MYH9: variants seen among roughly 807,000 people sequenced by gnomAD.
MYH9 encodes the protein myosin heavy chain 9.
MYH9 carries 29 observed loss-of-function variants against 241.9 expected under a neutral mutation model. That is an observed-to-expected ratio of 0.12 (90% confidence interval 0.09 to 0.16). The LOEUF is 0.16. MYH9 is among the 10% of genes least tolerant of loss of function. The probability of loss-of-function intolerance (pLI) is 1.00; values close to 1 mark genes in which losing one functional copy is unlikely to be tolerated. For missense variants in MYH9, 1,803 were observed against 2,595.5 expected (o/e 0.69, Z 6.63); for synonymous variants, 1,047 against 1,062.6 (o/e 0.99, Z 0.29).
chr22:36,327,062 T>A (rs1023085268), intron 4 of MYH9, among the ~76,000 whole-genome samples: 2 of 152,248 alleles, frequency 1.3e-5, no homozygotes, highest in Non-Finnish European at 2.9e-5. Flanking sequence ...ATCTCCTTGT[T>A]AAGTTCAGAG....
Position 36,348,841 on chromosome 22 carries a change from GCCC to G in MYH9, c.333+60_333+62del. 164 of 1,044,132 alleles carry G rather than the reference GCCC, an allele frequency of 1.6e-4. 5 individuals carry two copies. The highest frequency in any genetic ancestry group is 8.3e-4 in the East Asian group (15 of 18,054). The allele number at this position is 1,044,132 out of a possible 1,614,324, so 64.7% of individuals were successfully genotyped here. A position where few individuals can be genotyped will look rare whatever the true frequency, so the allele number is the denominator to read the frequency against. On this transcript the variant is annotated intron_variant, in intron 2 of 40. Coordinates refer to ENST00000216181, the MANE Select transcript of MYH9 (RefSeq NM_002473.6). The stretch of plus-strand genomic sequence containing the variant: ...GCACGTGAGGGTGATGGGAAGACCC[GCCC>G]CCCCCCCCCACCTCGGAGCCCTCAG...
chr22:36,298,849 GGCCGGCCCCTGACC>G, intron 24 of MYH9, 56 bp downstream of exon 24: 1 of 1,601,570 alleles, frequency 6.2e-7, no homozygotes. Flanking sequence ...CGGTCAGACA[GGCCGGCCCCTGACC>G]GCCAGCCCTT....
At chr22:36,381,974 T>C (rs977915496) in intron 1 of MYH9, among the ~76,000 whole-genome samples, 45 of 152,064 alleles carry the variant, frequency 3.0e-4, no homozygotes, top group African/African-American at 1.0e-3. Context: ...GCCAAACAAC[T>C]TTCTTTTGTT....
In MYH9 at chr22:36,293,540, A is replaced by C. The variant is rs2016740178; in HGVS notation, c.3943-59T>G. The stretch of plus-strand genomic sequence containing the variant: ...GGAGGGTGGTGTCCAAAACCCAGGA[A>C]CCCCACACCCTTGAGGAGAGGGAGG... On this transcript the variant is annotated intron_variant, in intron 29 of 40. Coordinates refer to ENST00000216181, the MANE Select transcript of MYH9 (RefSeq NM_002473.6). The surrounding 1 kb of genome is among the most constrained non-coding windows in gnomAD (Gnocchi z 5.1). 6.2e-7 allele frequency: 1 copy of C among 1,600,806 alleles called. No individual in the cohort carries two copies. The highest frequency in any genetic ancestry group is 8.5e-7 in the Non-Finnish European group (1 of 1,174,974).
At chr22:36,324,215 A>G (rs1569536068) in intron 5 of MYH9, among the ~76,000 whole-genome samples, 1 of 152,268 alleles carries the variant, frequency 6.6e-6, no homozygotes, top group South Asian at 2.1e-4. Context: ...CAGCCACTTC[A>G]GATTCCAGAG....
intron 1 of MYH9, among the ~76,000 whole-genome samples, chr22:36,351,520 C>T (rs965172663): frequency 1.3e-5 from 2 of 152,114 alleles, no homozygotes; most frequent in African/African-American, 4.8e-5. Context: ...TGCACTTCAC[C>T]CTGGCCAGTC....
intron 1 of MYH9, among the ~76,000 whole-genome samples, chr22:36,379,002 T>C (rs1334470351): frequency 6.6e-6 from 1 of 152,198 alleles, no homozygotes; most frequent in Non-Finnish European, 1.5e-5. Context: ...ATTTTAATTA[T>C]TCCCAACATC....
intron 1 of MYH9, among the ~76,000 whole-genome samples, chr22:36,378,716 C>A (rs953070254): frequency 6.6e-6 from 1 of 151,966 alleles, no homozygotes; most frequent in African/African-American, 2.4e-5. Context: ...AACCCTAGTG[C>A]CCCCCAACAA....
At chr22:36,294,019 T>C (rs1356545710) in intron 28 of MYH9, 73 bp downstream of exon 28, 9 of 1,548,362 alleles carry the variant, frequency 5.8e-6, no homozygotes, top group African/African-American at 2.7e-5. Context: ...AGAGCACACA[T>C]GCACCTGGGG....
chr22:36,348,841 GC>G lies in MYH9; in HGVS notation c.333+62del, dbSNP rs56147525. 910,275 of 1,041,190 alleles carry G rather than the reference GC, an allele frequency of 0.87. 399,614 individuals carry two copies. Among genetic ancestry groups the G allele is most frequent in the Non-Finnish European group, 0.91 (665,027 of 730,818 alleles). 64.5% of individuals were successfully genotyped at this position (1,041,190 alleles called of 1,614,324 possible). On this transcript the variant is annotated intron_variant, in intron 2 of 40. Coordinates refer to ENST00000216181, the MANE Select transcript of MYH9 (RefSeq NM_002473.6). ...GCACGTGAGGGTGATGGGAAGACCC[GC>G]CCCCCCCCCCCACCTCGGAGCCCTC...
chr22:36,384,172 G>C (rs2146431068), intron 1 of MYH9, among the ~76,000 whole-genome samples: 1 of 151,880 alleles, frequency 6.6e-6, no homozygotes, highest in South Asian at 2.1e-4. Flanking sequence ...TCGGGAGACT[G>C]AGGCAGAAGA....
intron 1 of MYH9, among the ~76,000 whole-genome samples, chr22:36,376,103 T>C (rs951205913): frequency 1.3e-5 from 2 of 151,530 alleles, no homozygotes; most frequent in African/African-American, 4.8e-5. Context: ...CAGGGATTAC[T>C]GGCATGCACC....
chr22:36,320,430 G>T lies in MYH9; in HGVS notation c.869-67C>A. On this transcript the variant is annotated intron_variant, in intron 8 of 40. Transcript: ENST00000216181. This position sits in a 1 kb window ranked among gnomAD's most constrained non-coding sequence, Gnocchi z 4.8. Reference sequence around the variant, plus strand: ...AAAGTGGAGGCTCCATCAGCGCTGTGACCTCAAAGGTTGGAGAGACTGGGA... The same window carrying T: ...AAAGTGGAGGCTCCATCAGCGCTGTTACCTCAAAGGTTGGAGAGACTGGGA... 6.3e-7 allele frequency: 1 copy of T among 1,592,182 alleles called. No homozygotes were observed. Among genetic ancestry groups the T allele is most frequent in the South Asian group, 1.1e-5 (1 of 90,626 alleles).
chr22:36,300,713 CTG>C lies in MYH9; in HGVS notation c.2838+136_2838+137del. 1.0e-6 allele frequency: 1 copy of C among 959,116 alleles called. No homozygotes were observed. Among genetic ancestry groups the C allele is most frequent in the Non-Finnish European group, 1.6e-6 (1 of 621,856 alleles). The allele number at this position is 959,116 out of a possible 1,614,324, so 59.4% of individuals were successfully genotyped here. On this transcript the variant is annotated intron_variant, in intron 22 of 40. Coordinates refer to ENST00000216181, the MANE Select transcript of MYH9 (RefSeq NM_002473.6). This position sits in a 1 kb window ranked among gnomAD's most constrained non-coding sequence, Gnocchi z 5.0. ...ACCAGCCCAAAGGGAACACCTCTCA[CTG>C]AGAGCCCCAAGCAGATTGCGTGAGG...
At chr22:36,367,185 C>T (rs931822722) in intron 1 of MYH9, among the ~76,000 whole-genome samples, 1 of 152,134 alleles carries the variant, frequency 6.6e-6, no homozygotes, top group African/African-American at 2.4e-5. Flanking sequence ...GGATCTCTTC[C>T]TTCGTCACCC....
intron 6 of MYH9, among the ~76,000 whole-genome samples, chr22:36,322,075 A>C (rs1369224645): frequency 1.3e-5 from 2 of 152,202 alleles, no homozygotes; most frequent in Admixed American, 1.3e-4. Context: ...TCCTCCGCAG[A>C]GGGGGAAAGA....
At chr22:36,370,448 A>G (rs547564363) in intron 1 of MYH9, among the ~76,000 whole-genome samples, 16 of 152,354 alleles carry the variant, frequency 1.1e-4, no homozygotes, top group African/African-American at 3.6e-4. Flanking sequence ...AAGGCCTCTA[A>G]AAGGGGAAGC....
Position 36,320,282 on chromosome 22 carries a change from T to C in MYH9, c.950A>G (p.Asp317Gly), listed in dbSNP as rs769409234. ...GGCCTCCATGGTCTCCTGGAACATG[T>C]CCTTGTCCTGCTGCCCGGGGATGGT... ...HVTIPGQQDK[D>G]MFQETMEAMR... Residue 317 changes from aspartate to glycine, a missense_variant, in exon 9 of 41, where the codon GAC (aspartate) becomes GGC (glycine). By Grantham distance (94) the Asp-to-Gly change is moderately conservative. Coordinates refer to ENST00000216181, the MANE Select transcript of MYH9 (RefSeq NM_002473.6). The surrounding 1 kb of genome is among the most constrained non-coding windows in gnomAD (Gnocchi z 4.8). 1.2e-6 allele frequency: 2 copies of C among 1,614,110 alleles called. No homozygotes were observed. The highest frequency in any genetic ancestry group is 1.7e-6 in the Non-Finnish European group (2 of 1,180,036).
chr22:36,291,650 C>G (rs1048554601), intron 31 of MYH9, among the ~76,000 whole-genome samples: 6 of 131,874 alleles, frequency 4.5e-5, no homozygotes, highest in Non-Finnish European at 9.3e-5. Flanking sequence ...TCCCCCTCTG[C>G]GAGAAACACC....
Sources: allele counts gnomAD v4.1 joint callset (sites outside exome capture counted in the v4.1 genomes callset), GRCh38; gene constraint gnomAD v4.1.1; non-coding constraint Gnocchi (gnomAD v3.1); transcripts MANE v1.5; gene names NCBI Gene and HGNC (gene_info 2026-07-23, HGNC 2026-07-21).